Variants in ZBED6 observed in about 807,000 individuals in gnomAD.
The protein encoded by ZBED6 is zinc finger BED-type containing 6.
ZBED6 carries 40 observed loss-of-function variants against 58.4 expected under a neutral mutation model. The ratio of observed to expected loss-of-function variants is 0.68; its 90% confidence interval spans 0.53 to 0.89. The LOEUF (loss-of-function observed/expected upper bound fraction) is 0.89. Ranked by LOEUF, ZBED6 falls within the 40% of genes least tolerant of loss-of-function variation. ZBED6 has a pLI of 0.00. For missense variants in ZBED6, 1,057 were observed against 1,003.9 expected, an observed-to-expected ratio of 1.05 and a Z score of -0.71; for synonymous variants, 439 against 350.6, an observed-to-expected ratio of 1.25 and a Z score of -2.82.
chr1:203,825,517 T>C (rs10158428), intron 3 of ZBED6, among the ~76,000 whole-genome samples: 19,468 of 145,158 alleles, frequency 0.13, 1,438 homozygotes, highest in Non-Finnish European at 0.15. Flanking sequence ...TCACTGAAAC[T>C]TCCACCTCCC....
chr1:203,836,475 C>T (rs573054373), intron 9 of ZBED6, among the ~76,000 whole-genome samples: 5 of 152,242 alleles, frequency 3.3e-5, no homozygotes, highest in East Asian at 1.9e-4. Context: ...GAAGGCTGGG[C>T]GCGGTAGCTT....
chr1:203,816,310 A>G (rs1052421388), intron 1 of ZBED6, among the ~76,000 whole-genome samples: 7 of 152,192 alleles, frequency 4.6e-5, no homozygotes, highest in African/African-American at 1.7e-4. Context: ...ACATATATAC[A>G]TACATATATA....
At chr1:203,803,008 C>A (rs930606342) in exon 1 of ZBED6, 6 of 152,488 alleles carry the variant, frequency 3.9e-5, no homozygotes, top group African/African-American at 1.5e-4. Context: ...TTCAGAGCAA[C>A]CAGCTAATGT....
chr1:203,821,330 T>TA (rs1244481231), intron 3 of ZBED6, among the ~76,000 whole-genome samples: 1 of 152,132 alleles, frequency 6.6e-6, no homozygotes, highest in Admixed American at 6.6e-5. Flanking sequence ...TTTAAATAAA[T>TA]TTCCCAGTCT....
exon 1 of ZBED6, chr1:203,799,702 G>A: frequency 1.4e-6 from 1 of 717,744 alleles, no homozygotes; most frequent in Non-Finnish European, 2.5e-6. Context: ...CAGAAACTCA[G>A]AGAAGATTTT....
At chr1:203,804,329 T>A (rs1353482365) in intron 1 of ZBED6, among the ~76,000 whole-genome samples, 1 of 152,016 alleles carries the variant, frequency 6.6e-6, no homozygotes, top group African/African-American at 2.4e-5. Flanking sequence ...CTTTTTTGTA[T>A]TTTTAGTAGA....
exon 1 of ZBED6, chr1:203,802,680 T>A (rs1670886081): frequency 6.6e-6 from 1 of 151,922 alleles, no homozygotes; most frequent in African/African-American, 2.4e-5. Flanking sequence ...TTTTTCATGA[T>A]CCTTTAACTC....
At chr1:203,850,680 T>C (rs140404094) in exon 15 of ZBED6, 1 of 1,613,560 alleles carries the variant, frequency 6.2e-7, no homozygotes, top group Non-Finnish European at 8.5e-7. Flanking sequence ...AAGGCAGCTG[T>C]GGTAAGAAGT....
chr1:203,827,542 T>C (rs576839538), intron 3 of ZBED6, among the ~76,000 whole-genome samples: 1 of 151,664 alleles, frequency 6.6e-6, no homozygotes, highest in African/African-American at 2.4e-5. Context: ...ATTAGCCGAG[T>C]GTGGTGGCAG....
intron 11 of ZBED6, among the ~76,000 whole-genome samples, chr1:203,843,679 T>C (rs142247937): frequency 9.2e-5 from 14 of 152,310 alleles, no homozygotes; most frequent in Admixed American, 2.0e-4. Context: ...TTTACAAAAT[T>C]AGGTGGTGGC....
chr1:203,837,998 C>T, exon 10 of ZBED6: 1 of 1,614,110 alleles, frequency 6.2e-7, no homozygotes. Flanking sequence ...AAAGCGTAGC[C>T]TGGCACAGAG....
At chr1:203,837,102 C>T (rs1572245748) in intron 9 of ZBED6, among the ~76,000 whole-genome samples, 1 of 151,946 alleles carries the variant, frequency 6.6e-6, no homozygotes. Context: ...CAAGACCAGC[C>T]TGGGCAACAT....
At chr1:203,814,429 C>T (rs754363530) in intron 1 of ZBED6, among the ~76,000 whole-genome samples, 36 of 152,110 alleles carry the variant, frequency 2.4e-4, no homozygotes, top group South Asian at 4.2e-4. Flanking sequence ...GAGACTGAGG[C>T]GGGAGAATTG....
chr1:203,812,773 G>T (rs967568841), intron 1 of ZBED6, among the ~76,000 whole-genome samples: 2 of 151,594 alleles, frequency 1.3e-5, no homozygotes, highest in African/African-American at 4.8e-5. Context: ...GTAGAGATGG[G>T]GTCTCACCAT....
chr1:203,831,702 C>T (rs757891569), exon 8 of ZBED6: 8 of 1,613,194 alleles, frequency 5.0e-6, no homozygotes, highest in Middle Eastern at 3.3e-4. Context: ...CCACCCTGAG[C>T]CCGTTCCAGG....
At chr1:203,833,618 G>GTTTTTTTTTTTTTTT (rs553171669) in intron 8 of ZBED6, among the ~76,000 whole-genome samples, 173 bp from the exon 9 acceptor site, 4 of 124,816 alleles carry the variant, frequency 3.2e-5, no homozygotes, top group Non-Finnish European at 6.6e-5. Flanking sequence ...ATAGGTTTGG[G>GTTTTTTTTTTTTTTT]TTTTTTTTTT....
At chr1:203,818,348 C>T (rs531931644) in intron 2 of ZBED6, among the ~76,000 whole-genome samples, 2 of 152,124 alleles carry the variant, frequency 1.3e-5, no homozygotes, top group East Asian at 3.9e-4. Flanking sequence ...CAGCTTGTGT[C>T]ACTCATGCCA....
chr1:203,797,416 T>C lies in ZBED6; in HGVS notation c.-107T>C, dbSNP rs1668912217. ...GGTCCAGTGGGAATTTGATTCCCCA[T>C]AGAAACTGGAGAAAAGGTAATGCAA... On this transcript the variant is annotated 5_prime_UTR_variant, in exon 1 of 17. The change abolishes the stop of an existing upstream ORF in the 5' untranslated region. Transcript: ENST00000550078. The C allele has an allele frequency of 8.8e-7, 1 of 1,134,262 alleles. No homozygotes were observed. The highest frequency in any genetic ancestry group is 1.2e-6 in the Non-Finnish European group (1 of 842,442). 70.3% of individuals were successfully genotyped at this position (1,134,262 alleles called of 1,614,324 possible). A position where few individuals can be genotyped will look rare whatever the true frequency, so the allele number is the denominator to read the frequency against.
exon 1 of ZBED6, chr1:203,797,965 G>A (rs1413491232): frequency 6.5e-6 from 10 of 1,535,672 alleles, no homozygotes; most frequent in Non-Finnish European, 7.8e-6. Context: ...TACACCTGGC[G>A]GGCCATTTGT....
Sources: gnomAD v4.1 joint callset for allele counts (sites outside exome capture counted in the v4.1 genomes callset) on GRCh38, gnomAD v4.1.1 for gene constraint, MANE v1.5 for transcripts, NCBI Gene and HGNC (gene_info 2026-07-23, HGNC 2026-07-21) for gene names.